PPP6R3: variants seen among roughly 807,000 people sequenced by gnomAD.
PPP6R3 encodes protein phosphatase 6 regulatory subunit 3, also known as serine/threonine-protein phosphatase 6 regulatory subunit 3.
In PPP6R3, 38 loss-of-function variants were observed where a neutral mutation model predicts 110.7. The ratio of observed to expected loss-of-function variants is 0.34; its 90% confidence interval spans 0.26 to 0.45. The LOEUF (loss-of-function observed/expected upper bound fraction) is 0.45, where lower values mean the gene tolerates loss of function less well. PPP6R3 is among the 20% of genes least tolerant of loss of function. The pLI is 1.00. For missense variants in PPP6R3, 870 were observed against 1,062.4 expected (o/e 0.82, Z 2.52); for synonymous variants, 369 against 373.5 (o/e 0.99, Z 0.14).
chr11:68,504,659 G>A (rs1161081279), intron 1 of PPP6R3, among the ~76,000 whole-genome samples: 1 of 152,172 alleles, frequency 6.6e-6, no homozygotes, highest in Non-Finnish European at 1.5e-5. Context: ...TACAATTTGA[G>A]AGCCCTGAAA....
Position 68,613,832 on chromosome 11 carries a change from T to G in PPP6R3, c.*715T>G. The G allele has an allele frequency of 1.0e-6, 1 of 985,816 alleles. No individual in the cohort carries two copies. Among genetic ancestry groups the G allele is most frequent in the Non-Finnish European group, 1.2e-6 (1 of 829,882 alleles). 61.1% of individuals were successfully genotyped at this position (985,816 alleles called of 1,614,324 possible). A position where few individuals can be genotyped will look rare whatever the true frequency, so the allele number is the denominator to read the frequency against. On this transcript the variant is annotated 3_prime_UTR_variant, in exon 24 of 24. Coordinates refer to ENST00000393800, the MANE Select transcript of PPP6R3 (RefSeq NM_001164161.2). ...TATGTTCTGTTCAAGTCTTGTTTGC[T>G]TGAAATGATTATTCCTACAAGTGAA...
At chr11:68,556,321 T>TA (rs1382967325) in intron 7 of PPP6R3, among the ~76,000 whole-genome samples, 5 of 152,214 alleles carry the variant, frequency 3.3e-5, no homozygotes, top group African/African-American at 1.2e-4. Context: ...ACTGAAGTGT[T>TA]AAATAAAGAA....
chr11:68,489,283 AT>A (rs947232750), intron 1 of PPP6R3, among the ~76,000 whole-genome samples: 78 of 151,470 alleles, frequency 5.1e-4, no homozygotes, highest in African/African-American at 1.8e-3. Context: ...CCTCCCAAAT[AT>A]TTTTTTGTTT....
chr11:68,558,929 AGTTAG>A (rs2099409206), intron 8 of PPP6R3, among the ~76,000 whole-genome samples: 1 of 152,232 alleles, frequency 6.6e-6, no homozygotes, highest in Non-Finnish European at 1.5e-5. Context: ...TGGTAGTGGT[AGTTAG>A]GAAAATGCTT....
chr11:68,483,587 A>AT (rs1220677298), intron 1 of PPP6R3, among the ~76,000 whole-genome samples: 1 of 152,080 alleles, frequency 6.6e-6, no homozygotes, highest in Non-Finnish European at 1.5e-5. Flanking sequence ...GGTTCGAGTT[A>AT]TTCCCCTGCC....
intron 1 of PPP6R3, among the ~76,000 whole-genome samples, chr11:68,467,673 C>T (rs1219655763): frequency 2.6e-5 from 4 of 152,202 alleles, no homozygotes; most frequent in Non-Finnish European, 5.9e-5. Context: ...CTCAGATGGG[C>T]GTAGCGGGAG....
chr11:68,595,050 A>G (rs193013556), intron 18 of PPP6R3, among the ~76,000 whole-genome samples: 2 of 152,312 alleles, frequency 1.3e-5, no homozygotes, highest in Admixed American at 6.5e-5. Flanking sequence ...ACCTCTTACT[A>G]TATAATACAT....
At chr11:68,517,391 G>A (rs2099142184) in intron 1 of PPP6R3, among the ~76,000 whole-genome samples, 1 of 152,122 alleles carries the variant, frequency 6.6e-6, no homozygotes, top group Admixed American at 6.5e-5. Flanking sequence ...CAGAGGAAGT[G>A]ACAGCCTCAG....
intron 7 of PPP6R3, among the ~76,000 whole-genome samples, chr11:68,556,569 G>A (rs1306105224): frequency 6.8e-6 from 1 of 147,960 alleles, no homozygotes; most frequent in East Asian, 2.0e-4. Flanking sequence ...AAAACAATGA[G>A]CCATTGTCCC....
rs943137483 is a variant in PPP6R3, at chr11:68,524,160, G to C, written c.-7+4509G>C. Among the ~76,000 whole-genome samples the C allele has an allele frequency of 7.9e-5, 12 of 152,182 alleles. No homozygotes were observed. The Middle Eastern group carries it at 0.01, about 129-fold the overall frequency. ...TTTGCCAGGGCGCCTCCAATTGAGGGGCCTCTCATGAAGCCACAGACCTCA... is the reference window on the plus strand; with the variant it reads ...TTTGCCAGGGCGCCTCCAATTGAGGCGCCTCTCATGAAGCCACAGACCTCA... On this transcript the variant is annotated intron_variant, in intron 2 of 23. Coordinates refer to ENST00000393800, the MANE Select transcript of PPP6R3 (RefSeq NM_001164161.2).
At chr11:68,545,101 A>G (rs2099344389) in intron 4 of PPP6R3, 77 bp downstream of exon 4, 35 of 1,189,282 alleles carry the variant, frequency 2.9e-5, no homozygotes, top group Non-Finnish European at 3.8e-5. Context: ...TTGTTGCTTT[A>G]AGAGTTCTAA....
intron 1 of PPP6R3, among the ~76,000 whole-genome samples, chr11:68,476,290 G>A (rs1262699721): frequency 2.0e-5 from 3 of 152,082 alleles, no homozygotes; most frequent in East Asian, 1.9e-4. Flanking sequence ...GCGAAACCCC[G>A]TCTCCACCAA....
chr11:68,598,014 A>C (rs2099619432), intron 19 of PPP6R3, among the ~76,000 whole-genome samples: 1 of 151,926 alleles, frequency 6.6e-6, no homozygotes, highest in Non-Finnish European at 1.5e-5. Context: ...TAGTATATTC[A>C]CACTGTTGTG....
At chr11:68,509,102 C>A (rs1016377399) in intron 1 of PPP6R3, among the ~76,000 whole-genome samples, 2 of 152,208 alleles carry the variant, frequency 1.3e-5, no homozygotes. Context: ...TCAGAGTAGT[C>A]TTACTCTAAC....
At chr11:68,526,281 G>A (rs565934418) in intron 2 of PPP6R3, among the ~76,000 whole-genome samples, 19 of 151,726 alleles carry the variant, frequency 1.3e-4, no homozygotes, top group African/African-American at 4.6e-4. Flanking sequence ...TTTGAGACAG[G>A]GTCTTACTCT....
chr11:68,473,800 T>C (rs991652551), intron 1 of PPP6R3, among the ~76,000 whole-genome samples: 1 of 152,354 alleles, frequency 6.6e-6, no homozygotes, highest in Admixed American at 6.5e-5. Flanking sequence ...TGCTTTGTTA[T>C]TTTTGTCTCT....
rs1484897013 is a variant in PPP6R3, at chr11:68,547,800, G to T, written c.415-267G>T. Among the ~76,000 whole-genome samples the T allele has an allele frequency of 2.6e-5, 4 of 152,320 alleles. No homozygotes were observed. The East Asian group carries it at 7.7e-4, about 29-fold the overall frequency. ...TCACCATTCTTTGAGAATGAATAAT[G>T]AAAGTGAATAGAAATAAAAGATTCT... On this transcript the variant is annotated intron_variant, in intron 4 of 23. Transcript: ENST00000393800.
At chr11:68,501,721 T>C (rs571707885) in intron 1 of PPP6R3, among the ~76,000 whole-genome samples, 104 of 152,266 alleles carry the variant, frequency 6.8e-4, no homozygotes, top group Non-Finnish European at 1.2e-3. Context: ...ATCATTCAAC[T>C]TCAAGTAATA....
At chr11:68,611,368 C>T (rs894153313) in intron 23 of PPP6R3, among the ~76,000 whole-genome samples, 3 of 152,166 alleles carry the variant, frequency 2.0e-5, no homozygotes. Context: ...ATGCACAAGG[C>T]TCTGGAGTCA....
Sources: gnomAD v4.1 joint callset for allele counts (sites outside exome capture counted in the v4.1 genomes callset) on GRCh38, gnomAD v4.1.1 for gene constraint, MANE v1.5 for transcripts, NCBI Gene and HGNC (gene_info 2026-07-23, HGNC 2026-07-21) for gene names.